The following PCDHA2 variants were observed in gnomAD, a reference collection of about 807,000 sequenced individuals.
PCDHA2 encodes protocadherin alpha 2.
PCDHA2 carries 58 observed loss-of-function variants against 66.0 expected under a neutral mutation model. The ratio of observed to expected loss-of-function variants is 0.88; its 90% CI spans 0.71 to 1.09. PCDHA2 has a LOEUF of 1.09. Among genes scored for constraint, PCDHA2 ranks in the 50% least tolerant of loss-of-function variants. PCDHA2 has a pLI of 0.00. For missense variants in PCDHA2, 1,267 were observed against 1,242.3 expected, an observed-to-expected ratio of 1.02 and a Z score of -0.30; for synonymous variants, 634 against 554.0, an observed-to-expected ratio of 1.14 and a Z score of -2.03.
intron 1 of PCDHA2, chr5:140,834,674 G>T: frequency 3.7e-6 from 6 of 1,614,248 alleles, no homozygotes; most frequent in Non-Finnish European, 5.1e-6. Flanking sequence ...AGCTGTGCGG[G>T]CGGAGCGCGG....
At chr5:140,836,208 T>A (rs2150255452) in intron 1 of PCDHA2, 31 of 1,613,658 alleles carry the variant, frequency 1.9e-5, no homozygotes, top group Non-Finnish European at 2.6e-5. Flanking sequence ...GTGGCTTTCG[T>A]ATGAGTTGCA....
intron 1 of PCDHA2, among the ~76,000 whole-genome samples, chr5:140,845,707 A>G (rs2150380649): frequency 6.7e-6 from 1 of 149,734 alleles, no homozygotes; most frequent in African/African-American, 2.4e-5. Context: ...TTGGCATTAT[A>G]TGTATGCATG....
At position 140,795,422 on chromosome 5, in the gene PCDHA2, C is replaced by G. The variant is rs782485078; in HGVS notation, c.458C>G (p.Pro153Arg). The G allele has an allele frequency of 2.5e-6, 4 of 1,614,046 alleles. No homozygotes were observed. Among genetic ancestry groups the G allele is most frequent in the Non-Finnish European group, 3.4e-6 (4 of 1,180,038 alleles). The change falls in exon 1 of 4, where the codon CCT becomes CGT. Residue 153 changes from proline (P) to arginine (R), a missense_variant. Physicochemically the swap from Pro to Arg is moderately radical, Grantham distance 103. Transcript: ENST00000526136. ...TCAAGGCTGCTTGATTCTCGGTTTC[C>G]TCTAGAGGGAGCATCTGATGCAGAT... The part of the protein sequence containing the change: ...PESRLLDSRF[P>R]LEGASDADIG...
At chr5:140,882,643 C>T in intron 1 of PCDHA2, 1 of 1,614,190 alleles carries the variant, frequency 6.2e-7, no homozygotes, top group Non-Finnish European at 8.5e-7. Context: ...AGGTGAGGGA[C>T]ATTAACGACA....
chr5:140,836,479 A>T (rs2150261822), intron 1 of PCDHA2: 2 of 1,613,682 alleles, frequency 1.2e-6, no homozygotes, highest in South Asian at 2.2e-5. Flanking sequence ...GTCAACGTGT[A>T]CCTGATCATC....
intron 1 of PCDHA2, chr5:140,928,542 C>A: frequency 6.2e-7 from 1 of 1,614,158 alleles, no homozygotes; most frequent in Non-Finnish European, 8.5e-7. Flanking sequence ...ATAGGAATGA[C>A]AATTATCCGG....
At position 140,856,829 on chromosome 5, in the gene PCDHA2, A is replaced by G. The variant is rs781823533; in HGVS notation, c.2388+59477A>G. The G allele has an allele frequency of 3.4e-5, 54 of 1,592,340 alleles. 7 individuals are homozygous for G. The highest frequency in any genetic ancestry group is 4.6e-5 in the Non-Finnish European group (54 of 1,162,524). ...AAATCAAGTGAACCAAACATTAGTA[A>G]TACGGCTCAACGCTTCTGATTCGGA... On this transcript the variant is annotated intron_variant, in intron 1 of 3. Coordinates refer to ENST00000526136, the MANE Select transcript of PCDHA2 (RefSeq NM_018905.3).
intron 3 of PCDHA2, among the ~76,000 whole-genome samples, chr5:140,992,959 T>A (rs1262703040): frequency 6.6e-6 from 1 of 152,206 alleles, no homozygotes; most frequent in Non-Finnish European, 1.5e-5. Context: ...TCACCCCTTA[T>A]ACTGCTGACA....
At chr5:140,869,980 A>G (rs782258774) in intron 1 of PCDHA2, 91 of 1,613,262 alleles carry the variant, frequency 5.6e-5, no homozygotes, top group Non-Finnish European at 7.5e-5. Context: ...ACACTTATTT[A>G]CACTAGATCA....
chr5:140,967,049 A>G (rs782123539), intron 1 of PCDHA2: 12 of 1,612,528 alleles, frequency 7.4e-6, no homozygotes, highest in Non-Finnish European at 9.3e-6. Flanking sequence ...GCTGGACCTG[A>G]CGAGTGGAGC....
At chr5:140,829,851 C>T (rs2150176180) in intron 1 of PCDHA2, 2 of 1,613,942 alleles carry the variant, frequency 1.2e-6, no homozygotes, top group Non-Finnish European at 1.7e-6. Flanking sequence ...TCACTGGGTG[C>T]AGGCCAAGTG....
chr5:140,900,030 G>A (rs1159979332), intron 1 of PCDHA2, among the ~76,000 whole-genome samples: 1 of 152,086 alleles, frequency 6.6e-6, no homozygotes, highest in Admixed American at 6.6e-5. Context: ...GTTTGGCCTT[G>A]AATTCCTGGG....
chr5:140,927,587 T>C (rs1411741184), intron 1 of PCDHA2: 1 of 1,614,044 alleles, frequency 6.2e-7, no homozygotes, highest in African/African-American at 1.3e-5. Flanking sequence ...AACGCGCCTG[T>C]ATTTGAGCGC....
At chr5:140,935,134 T>G (rs1358918679) in intron 1 of PCDHA2, among the ~76,000 whole-genome samples, 1 of 152,210 alleles carries the variant, frequency 6.6e-6, no homozygotes. Context: ...TAGTGAAAGA[T>G]GATACTTAGA....
chr5:140,928,128 A>C (rs782708968), intron 1 of PCDHA2: 1 of 1,614,194 alleles, frequency 6.2e-7, no homozygotes, highest in Admixed American at 1.7e-5. Context: ...GTGAATACCA[A>C]GTCCTGATCA....
intron 1 of PCDHA2, among the ~76,000 whole-genome samples, chr5:140,948,886 T>C (rs892848820): frequency 6.6e-6 from 1 of 151,684 alleles, no homozygotes; most frequent in Non-Finnish European, 1.5e-5. Context: ...TGCTCTCTTT[T>C]AGATTTTAAG....
Position 140,796,778 on chromosome 5 carries a change from C to T in PCDHA2, c.1814C>T (p.Ala605Val), listed in dbSNP as rs782183971. 1.3e-5 allele frequency: 21 copies of T among 1,614,116 alleles called. No homozygotes were observed. Among genetic ancestry groups the T allele is most frequent in the Admixed American group, 5.0e-5 (3 of 60,032 alleles). ...GTGGACGCTGACTCAGGCTACAACGCGTGGCTTTCGTACGAGCTTCAGCTG... is the reference window on the plus strand; with the variant it reads ...GTGGACGCTGACTCAGGCTACAACGTGTGGCTTTCGTACGAGCTTCAGCTG... ...RAVDADSGYN[A>V]WLSYELQLGT... is the part of the protein sequence containing the mutation. The change falls in exon 1 of 4, where the codon GCG becomes GTG. Residue 605 changes from alanine to valine, a missense_variant. By Grantham distance (64) the Ala-to-Val change is moderately conservative (BLOSUM62 0). Coordinates refer to ENST00000526136, the MANE Select transcript of PCDHA2 (RefSeq NM_018905.3).
In PCDHA2 at chr5:140,796,235, T is replaced by A. The variant is rs1762052080; in HGVS notation, c.1271T>A (p.Val424Glu). ...DRESVSAYEL[V>E]VTARDGGSPS... ...GAGAGCGTGTCAGCCTATGAGCTGGTGGTGACCGCACGGGACGGGGGCTCG... is the reference window on the plus strand; with the variant it reads ...GAGAGCGTGTCAGCCTATGAGCTGGAGGTGACCGCACGGGACGGGGGCTCG... Residue 424 changes from valine (V) to glutamate (E), a missense_variant, in exon 1 of 4, where the codon GTG becomes GAG. Coordinates refer to ENST00000526136, the MANE Select transcript of PCDHA2 (RefSeq NM_018905.3). 1 of 1,614,046 alleles carries A rather than the reference T, an allele frequency of 6.2e-7. No homozygotes were observed. The highest frequency in any genetic ancestry group is 1.3e-5 in the African/African-American group (1 of 74,946).
chr5:141,006,002 G>T (rs185630910), intron 3 of PCDHA2, among the ~76,000 whole-genome samples: 1 of 151,740 alleles, frequency 6.6e-6, no homozygotes, highest in East Asian at 1.9e-4. Context: ...CTGAAAGAAG[G>T]CCTGTATGGT....
Sources: gnomAD v4.1 joint callset for allele counts (sites outside exome capture counted in the v4.1 genomes callset) on GRCh38, gnomAD v4.1.1 for gene constraint, MANE v1.5 for transcripts, NCBI Gene and HGNC (gene_info 2026-07-23, HGNC 2026-07-21) for gene names.